The following AR variants were observed in gnomAD, a reference collection of about 807,000 sequenced individuals.
AR encodes the protein androgen receptor.
Under a neutral mutation model 53.9 loss-of-function variants are expected in AR, and 8 were observed. The observed-to-expected ratio is 0.15, with a 90% confidence interval of 0.09 to 0.27. The LOEUF is 0.27. AR is among the 10% of genes least tolerant of loss of function. The pLI, the probability that AR is intolerant of heterozygous loss-of-function variation, is 1.00. For missense variants in AR, 639 were observed against 742.5 expected, an observed-to-expected ratio of 0.86 and a Z score of 1.62; for synonymous variants, 359 against 316.4, an observed-to-expected ratio of 1.13 and a Z score of -1.43.
At chrX:67,666,576 G>A (rs1927274417) in intron 2 of AR, among the ~76,000 whole-genome samples, 1 of 111,704 alleles carries the variant, frequency 9.0e-6, no homozygotes, top group Non-Finnish European at 1.9e-5. Context: ...TGTATACCCA[G>A]CAGTGGGATT....
Position 67,726,541 on chromosome X carries a change from C to T in AR, c.*2700C>T. The T allele has an allele frequency of 5.7e-6, 1 of 175,285 alleles. No individual in the cohort carries two copies. Among genetic ancestry groups the T allele is most frequent in the Admixed American group, 7.8e-5 (1 of 12,884 alleles). The allele number at this position is 175,285 out of a possible 1,213,427, so 14.4% of individuals were successfully genotyped here. On this transcript the variant is annotated 3_prime_UTR_variant, in exon 8 of 8. Coordinates refer to ENST00000374690, the MANE Select transcript of AR (RefSeq NM_000044.6). The stretch of plus-strand genomic sequence containing the variant: ...CTTGTCTTCATGAATATATGTTTTT[C>T]ATTTGCAAAAGCCAAAAATCAGTGA...
At chrX:67,713,647 A>T (rs1776298866) in intron 4 of AR, among the ~76,000 whole-genome samples, 2 of 112,202 alleles carry the variant, frequency 1.8e-5, no homozygotes, top group African/African-American at 6.5e-5. Flanking sequence ...TGGTCACTTA[A>T]CACATGGAAC....
At chrX:67,689,813 G>A in intron 3 of AR, 1 of 663,506 alleles carries the variant, frequency 1.5e-6, no homozygotes, top group Non-Finnish European at 1.9e-6. Context: ...TGAATTAGCT[G>A]TGGCTTTCTC....
chrX:67,611,457 T>C (rs914159606), intron 1 of AR, among the ~76,000 whole-genome samples: 1 of 112,106 alleles, frequency 8.9e-6, no homozygotes, highest in African/African-American at 3.2e-5. Context: ...GAGCTCTTTG[T>C]ATATACAGGA....
intron 2 of AR, among the ~76,000 whole-genome samples, chrX:67,685,272 G>A (rs2075959512): frequency 8.9e-6 from 1 of 111,814 alleles, no homozygotes; most frequent in Non-Finnish European, 1.9e-5. Flanking sequence ...AGCAAAATAT[G>A]TTTGAGCAGC....
chrX:67,643,075 T>C (rs749253256), intron 1 of AR, among the ~76,000 whole-genome samples, 181 bp from the exon 2 acceptor site: 35 of 112,165 alleles, frequency 3.1e-4, no homozygotes, highest in Middle Eastern at 4.6e-3. Flanking sequence ...AAAGGCTCAG[T>C]CACACCCTAC....
intron 2 of AR, among the ~76,000 whole-genome samples, chrX:67,673,909 G>A (rs1473916973): frequency 9.0e-6 from 1 of 110,973 alleles, no homozygotes; most frequent in Non-Finnish European, 1.9e-5. Context: ...TTCACAGTCT[G>A]GGCTTGTTCA....
intron 1 of AR, among the ~76,000 whole-genome samples, chrX:67,640,627 GA>G (rs1271042250): frequency 9.0e-6 from 1 of 111,318 alleles, no homozygotes; most frequent in Non-Finnish European, 1.9e-5. Context: ...AGTATTCTCT[GA>G]TGGTAATTTG....
At chrX:67,637,946 G>A (rs943578140) in intron 1 of AR, among the ~76,000 whole-genome samples, 1 of 110,910 alleles carries the variant, frequency 9.0e-6, no homozygotes, top group African/African-American at 3.3e-5. Context: ...ATCTACATTA[G>A]ATATTTCTCC....
chrX:67,638,029 G>A (rs566399336), intron 1 of AR, among the ~76,000 whole-genome samples: 2 of 110,789 alleles, frequency 1.8e-5, no homozygotes, highest in African/African-American at 6.6e-5. Context: ...CTGTGTCCAA[G>A]TGTTCTCATT....
chrX:67,618,084 C>T (rs1486948001), intron 1 of AR, among the ~76,000 whole-genome samples: 2 of 111,951 alleles, frequency 1.8e-5, no homozygotes, highest in Non-Finnish European at 3.8e-5. Context: ...GAAACATTTT[C>T]CTTCTCAGTT....
chrX:67,686,141 T>C lies in AR; in HGVS notation c.1885+15T>C. On this transcript the variant is annotated intron_variant, in intron 3 of 7. Transcript: ENST00000374690. ...GACTCTGGGAGGTAAGATACTTTTCTTTCTCTTCCTCCTCCTTCCTCTCTC... is the reference window on the plus strand; with the variant it reads ...GACTCTGGGAGGTAAGATACTTTTCCTTCTCTTCCTCCTCCTTCCTCTCTC... 8.4e-7 allele frequency: 1 copy of C among 1,191,955 alleles called. No individual in the cohort carries two copies. Among genetic ancestry groups the C allele is most frequent in the South Asian group, 1.8e-5 (1 of 56,092 alleles).
chrX:67,619,870 T>A (rs1463341448), intron 1 of AR, among the ~76,000 whole-genome samples: 1 of 110,523 alleles, frequency 9.0e-6, no homozygotes, highest in Non-Finnish European at 1.9e-5. Flanking sequence ...AGAAAATCAG[T>A]CTCTTATGTG....
chrX:67,684,213 G>T (rs987356347), intron 2 of AR, among the ~76,000 whole-genome samples: 2 of 111,843 alleles, frequency 1.8e-5, no homozygotes, highest in African/African-American at 6.5e-5. Flanking sequence ...CTGTTTTTGA[G>T]GAGCTAACAC....
In AR at chrX:67,722,954, G is replaced by A. The variant is rs2147538219; in HGVS notation, c.2577G>A (p.Gln859=). ...NPTSCSRRFY[Q]LTKLLDSVQP... Reference sequence around the variant, plus strand: ...CATCCTGCTCAAGACGCTTCTACCAGCTCACCAAGCTCCTGGACTCCGTGC... The same window carrying A: ...CATCCTGCTCAAGACGCTTCTACCAACTCACCAAGCTCCTGGACTCCGTGC... The change falls in exon 7 of 8, where the codon CAG becomes CAA. Residue 859 remains glutamine (Q), a synonymous_variant. Coordinates refer to ENST00000374690, the MANE Select transcript of AR (RefSeq NM_000044.6). The A allele has an allele frequency of 8.3e-7, 1 of 1,211,619 alleles. No homozygotes were observed. The highest frequency in any genetic ancestry group is 1.8e-5 in the South Asian group (1 of 56,971).
intron 1 of AR, among the ~76,000 whole-genome samples, chrX:67,626,610 T>TTATATATATA (rs201252311): frequency 2.8e-4 from 24 of 85,164 alleles, no homozygotes; most frequent in African/African-American, 1.0e-3. Flanking sequence ...CCGACTAATT[T>TTATATATATA]TATATATATA....
chrX:67,618,714 A>G (rs751496839), intron 1 of AR, among the ~76,000 whole-genome samples: 31 of 111,646 alleles, frequency 2.8e-4, no homozygotes, highest in African/African-American at 1.0e-3. Flanking sequence ...GCTTCATTGA[A>G]TAAGTGGTAG....
intron 1 of AR, among the ~76,000 whole-genome samples, chrX:67,642,363 T>C (rs193267887): frequency 8.9e-6 from 1 of 111,931 alleles, no homozygotes; most frequent in East Asian, 2.9e-4. Context: ...AGAATTAACC[T>C]TCCATGAAGG....
In AR at chrX:67,569,038, A is replaced by G. The variant is rs746705914; in HGVS notation, c.1616+22276A>G. On this transcript the variant is annotated intron_variant, in intron 1 of 7. Coordinates refer to ENST00000374690, the MANE Select transcript of AR (RefSeq NM_000044.6). ...GGCTTCACAGGTGGGAGGTTCTTCAATTGAAAACTTAGAACTCAGTTTCTA... is the reference window on the plus strand; with the variant it reads ...GGCTTCACAGGTGGGAGGTTCTTCAGTTGAAAACTTAGAACTCAGTTTCTA... 2.2e-5 allele frequency: 26 copies of G among 1,206,102 alleles called. No homozygotes were observed. In the South Asian group the frequency reaches 3.0e-4, roughly 14 times the overall value.
Sources: allele counts gnomAD v4.1 joint callset (sites outside exome capture counted in the v4.1 genomes callset), GRCh38; gene constraint gnomAD v4.1.1; transcripts MANE v1.5; gene names NCBI Gene and HGNC (gene_info 2026-07-23, HGNC 2026-07-21).